Variants in TENM4 observed in about 807,000 individuals in gnomAD.
TENM4 encodes teneurin-4.
In TENM4, 82 loss-of-function variants were observed where a neutral mutation model predicts 243.3. The ratio of observed to expected loss-of-function variants is 0.34; its 90% confidence interval spans 0.28 to 0.40. TENM4 has a LOEUF of 0.40. Among genes scored for constraint, TENM4 ranks in the 10% least tolerant of loss-of-function variants. The pLI is 1.00. For synonymous variants in TENM4, 1,412 were observed against 1,456.3 expected (o/e 0.97, Z 0.69); for missense variants, 3,138 against 3,673.3 (o/e 0.85, Z 3.77).
chr11:79,327,115 A>AT (rs1425727304), intron 1 of TENM4, among the ~76,000 whole-genome samples: 1 of 152,136 alleles, frequency 6.6e-6, no homozygotes, highest in East Asian at 1.9e-4. Flanking sequence ...ATGCTCAGAC[A>AT]TTTTTCCCCC....
chr11:79,014,877 C>T (rs1336894040), intron 6 of TENM4: 1 of 152,278 alleles, frequency 6.6e-6, no homozygotes, highest in Non-Finnish European at 1.5e-5. Context: ...AGATAGGTCT[C>T]CATGGGATTA....
intron 27 of TENM4, among the ~76,000 whole-genome samples, chr11:78,706,968 C>T (rs1292881281): frequency 6.6e-6 from 1 of 152,154 alleles, no homozygotes; most frequent in Non-Finnish European, 1.5e-5. Flanking sequence ...ATCACATTAG[C>T]TGGTGCAGAG....
intron 8 of TENM4, 36 bp from the exon 9 acceptor site, chr11:78,890,056 T>C (rs1488626087): frequency 2.0e-6 from 3 of 1,492,200 alleles, no homozygotes; most frequent in Middle Eastern, 1.9e-4. Flanking sequence ...TGTCAGGGGC[T>C]GCCCACAGAC....
At chr11:79,002,557 A>T (rs1858358373) in intron 6 of TENM4, among the ~76,000 whole-genome samples, 1 of 152,170 alleles carries the variant, frequency 6.6e-6, no homozygotes, top group South Asian at 2.1e-4. Flanking sequence ...GCCCTCTAAA[A>T]TCTTCAAGAA....
rs1855881081 is a variant in TENM4, at chr11:78,899,566, G to GGGC, written c.749+3701_749+3702insGCC. ...GCACTCTGTCTCAAAAAGCGGGGGG[G>GGGC]GGGGGAAAAAGAAAAAAGAAAGAAA... On this transcript the variant is annotated intron_variant, in intron 7 of 33. Coordinates refer to ENST00000278550, the MANE Select transcript of TENM4 (RefSeq NM_001098816.3). Among the ~76,000 whole-genome samples, 8 of 126,636 alleles carry GGGC rather than the reference G, an allele frequency of 6.3e-5. No homozygotes were observed. The South Asian group carries it at 2.2e-3, about 35-fold the overall frequency. 83.1% of individuals were successfully genotyped at this position (126,636 alleles called of 152,430 possible).
rs1024839642 is a variant in TENM4 at position 79,440,060 on chromosome 11, C to T, written c.-321+449G>A. The stretch of plus-strand genomic sequence containing the variant: ...ACTTGCCCCGCAGGGCAGGCTGCAG[C>T]CGCTGAAGCCCGGCGCCGCCTCGCG... On this transcript the variant is annotated intron_variant, in intron 1 of 33. Coordinates refer to ENST00000278550, the MANE Select transcript of TENM4 (RefSeq NM_001098816.3). The surrounding 1 kb of genome is among the most constrained non-coding windows in gnomAD (Gnocchi z 4.7). 1.3e-5 allele frequency among the ~76,000 whole-genome samples: 2 copies of T among 152,136 alleles called. No homozygotes were observed. Among genetic ancestry groups the T allele is most frequent in the African/African-American group, 4.8e-5 (2 of 41,462 alleles).
chr11:78,684,553 C>CAA (rs1858616350), intron 29 of TENM4, among the ~76,000 whole-genome samples: 1 of 152,166 alleles, frequency 6.6e-6, no homozygotes, highest in Admixed American at 6.5e-5. Context: ...CAGACACACA[C>CAA]ACACACATCA....
chr11:79,047,460 GCTC>G (rs1489794230), intron 6 of TENM4, among the ~76,000 whole-genome samples: 4 of 152,226 alleles, frequency 2.6e-5, no homozygotes, highest in Non-Finnish European at 2.9e-5. Context: ...CTCTGGGGAT[GCTC>G]ACTTTGCTGG....
At chr11:79,325,448 G>A (rs539287782) in intron 1 of TENM4, among the ~76,000 whole-genome samples, 2 of 152,316 alleles carry the variant, frequency 1.3e-5, no homozygotes, top group South Asian at 2.1e-4. Flanking sequence ...TGCTGTTTGT[G>A]TTGTGCTCTG....
intron 4 of TENM4, among the ~76,000 whole-genome samples, chr11:79,082,878 A>G (rs1173011929): frequency 1.3e-5 from 2 of 152,188 alleles, no homozygotes; most frequent in Non-Finnish European, 2.9e-5. Flanking sequence ...CTCCATCTCT[A>G]ATAATTAAAG....
At position 78,653,034 on chromosome 11, in the gene TENM4, G is replaced by A. The variant is rs902336838; in HGVS notation, c.*5024C>T. The A allele has an allele frequency of 1.3e-5, 2 of 152,224 alleles. No homozygotes were observed. The highest frequency in any genetic ancestry group is 2.9e-5 in the Non-Finnish European group (2 of 68,050). 9.4% of individuals were successfully genotyped at this position (152,224 alleles called of 1,614,324 possible). On this transcript the variant is annotated 3_prime_UTR_variant, in exon 34 of 34. Transcript: ENST00000278550. ...GCCACGCTGCACTAGTGATGTCAGA[G>A]GAGCTGTGATATTTATTCCTGTCAT...
intron 12 of TENM4, among the ~76,000 whole-genome samples, chr11:78,838,513 C>T (rs1344949416): frequency 6.6e-6 from 1 of 152,146 alleles, no homozygotes; most frequent in Non-Finnish European, 1.5e-5. Context: ...GTTTTACCCT[C>T]TTCTAGCTTG....
chr11:79,003,832 G>T (rs1299776392), intron 6 of TENM4, among the ~76,000 whole-genome samples: 2 of 151,890 alleles, frequency 1.3e-5, no homozygotes, highest in African/African-American at 4.8e-5. Context: ...GATCAAATCT[G>T]CACATATCAA....
chr11:79,049,423 C>T lies in TENM4; in HGVS notation c.493+15315G>A, dbSNP rs566183543. 1.0e-3 allele frequency among the ~76,000 whole-genome samples: 155 copies of T among 152,302 alleles called. 1 individual carries two copies. The South Asian group carries it at 0.028, about 28-fold the overall frequency. ...ATGACTAGAGAAAGAACTACAAGGC[C>T]GTCCTGAGAAGTATACACTAGGGGG... is the stretch of plus-strand genomic sequence containing the variant. On this transcript the variant is annotated intron_variant, in intron 6 of 33. Transcript: ENST00000278550.
intron 4 of TENM4, among the ~76,000 whole-genome samples, chr11:79,121,887 A>G (rs1440804687): frequency 6.6e-6 from 1 of 152,220 alleles, no homozygotes; most frequent in Non-Finnish European, 1.5e-5. Context: ...AATGAGGATA[A>G]TACCTTTCTT....
chr11:79,400,638 TC>T (rs1858441346), intron 1 of TENM4, among the ~76,000 whole-genome samples: 1 of 152,204 alleles, frequency 6.6e-6, no homozygotes, highest in Admixed American at 6.5e-5. Context: ...AGCCTCAGTT[TC>T]CTTGCTTACA....
intron 19 of TENM4, among the ~76,000 whole-genome samples, chr11:78,751,538 G>T (rs767183372): frequency 6.6e-6 from 1 of 152,186 alleles, no homozygotes; most frequent in Non-Finnish European, 1.5e-5. Flanking sequence ...CTGGGTGGTT[G>T]TAATACTGTG....
chr11:78,778,962 C>T (rs536054989), intron 16 of TENM4, among the ~76,000 whole-genome samples: 3 of 152,356 alleles, frequency 2.0e-5, no homozygotes, highest in South Asian at 4.1e-4. Flanking sequence ...TCCTGCTCTG[C>T]CAGCTTCGTC....
chr11:78,726,382 T>C (rs1021373477), intron 22 of TENM4, among the ~76,000 whole-genome samples, 160 bp from the exon 23 acceptor site: 2 of 152,250 alleles, frequency 1.3e-5, no homozygotes, highest in African/African-American at 4.8e-5. Context: ...TAACACAAGG[T>C]TGCTGAGCCT....
Sources: gnomAD v4.1 joint callset for allele counts (sites outside exome capture counted in the v4.1 genomes callset) on GRCh38, gnomAD v4.1.1 for gene constraint, Gnocchi (gnomAD v3.1) non-coding constraint, MANE v1.5 for transcripts, NCBI Gene and HGNC (gene_info 2026-07-23, HGNC 2026-07-21) for gene names.